The following B4GALNT2 variants were observed in gnomAD, a reference collection of about 807,000 sequenced individuals.
B4GALNT2 encodes the protein beta-1,4-N-acetyl-galactosaminyltransferase 2 (SID blood group), also known as N-acetylneuraminylgalactosylglucosyl-glucoside beta-1,4-N- acetylgalactosaminyltransferase 2.
A neutral mutation model predicts 51.1 loss-of-function variants in B4GALNT2; 42 were observed. That is an observed-to-expected ratio of 0.82 (90% confidence interval 0.64 to 1.06). B4GALNT2 has a LOEUF of 1.06. B4GALNT2 is among the 50% of genes least tolerant of loss of function. The probability of loss-of-function intolerance (pLI) is 0.00; values close to 1 mark genes in which losing one functional copy is unlikely to be tolerated. For synonymous variants in B4GALNT2, 253 were observed against 251.7 expected (o/e 1.01, Z -0.05); for missense variants, 602 against 633.6 (o/e 0.95, Z 0.54).
the B4GALNT2 span, among the ~76,000 whole-genome samples, chr17:49,123,736 T>C: frequency 2.0e-5 from 3 of 152,172 alleles, no homozygotes; most frequent in African/African-American, 4.8e-5. Context: ...CCAAAATAAC[T>C]TGGGGTTCCT....
At chr17:49,127,946 A>G (rs2042518997), upstream of B4GALNT2, among the ~76,000 whole-genome samples, 1 of 152,242 alleles carries the variant, frequency 6.6e-6, no homozygotes, top group Admixed American at 6.5e-5. Context: ...GTTGATTGGG[A>G]GAAAACCTTT....
At chr17:49,137,382 T>C (rs1291232281) in intron 1 of B4GALNT2, among the ~76,000 whole-genome samples, 2 of 152,150 alleles carry the variant, frequency 1.3e-5, no homozygotes, top group Non-Finnish European at 2.9e-5. Flanking sequence ...AGTGGATTCC[T>C]CATAAAAGGA....
At chr17:49,161,008 C>T (rs1598213422) in intron 7 of B4GALNT2, among the ~76,000 whole-genome samples, 2 of 152,292 alleles carry the variant, frequency 1.3e-5, no homozygotes, top group South Asian at 4.1e-4. Flanking sequence ...GGCGCAGTGA[C>T]TCATGCCTGT....
intron 3 of B4GALNT2, 29 bp from the exon 4 acceptor site, chr17:49,152,771 T>G (rs1396815173): frequency 6.7e-7 from 1 of 1,491,178 alleles, no homozygotes; most frequent in East Asian, 2.4e-5. Flanking sequence ...TCAGGGCAGC[T>G]GCTGACGTTT....
the B4GALNT2 span, among the ~76,000 whole-genome samples, chr17:49,125,828 A>G: frequency 3.6e-3 from 226 of 63,654 alleles, no homozygotes; most frequent in East Asian, 9.1e-3. Flanking sequence ...CCTACTGGGA[A>G]GTGAGGAGCC....
intron 3 of B4GALNT2, chr17:49,148,277 G>T (rs1215961327): frequency 6.5e-6 from 2 of 306,836 alleles, no homozygotes; most frequent in Non-Finnish European, 1.3e-5. Context: ...TCCAGCCTGG[G>T]CGACAGAGTG....
the B4GALNT2 span, among the ~76,000 whole-genome samples, chr17:49,126,284 A>G: frequency 6.6e-6 from 1 of 152,056 alleles, no homozygotes; most frequent in Non-Finnish European, 1.5e-5. Context: ...GCTTTGTTAA[A>G]CAGATGCTTG....
At chr17:49,128,612 C>G (rs1435973259), upstream of B4GALNT2, among the ~76,000 whole-genome samples, 1 of 152,080 alleles carries the variant, frequency 6.6e-6, no homozygotes, top group Non-Finnish European at 1.5e-5. Context: ...AACCTCTTGG[C>G]GTTTGCCATT....
chr17:49,171,359 T>A lies in B4GALNT2; in HGVS notation c.*1631T>A, dbSNP rs2042956511. 2.3e-6 allele frequency: 1 copy of A among 427,668 alleles called. No individual in the cohort carries two copies. The highest frequency in any genetic ancestry group is 4.5e-6 in the Non-Finnish European group (1 of 220,450). The allele number at this position is 427,668 out of a possible 1,614,324, so 26.5% of individuals were successfully genotyped here. On this transcript the variant is annotated 3_prime_UTR_variant, in exon 11 of 11. Transcript: ENST00000393354. ...TAATATCTGCTAATCTGTCTGCAGC[T>A]CCTTCAAGCACTCCAGTTCCTGGCA...
the B4GALNT2 span, among the ~76,000 whole-genome samples, chr17:49,126,507 A>AC: frequency 1.3e-5 from 2 of 150,770 alleles, no homozygotes; most frequent in Non-Finnish European, 3.0e-5. Flanking sequence ...AAAAAAAAAA[A>AC]AAAAACAAAC....
intron 1 of B4GALNT2, among the ~76,000 whole-genome samples, chr17:49,135,908 A>G (rs2042586002): frequency 6.6e-6 from 1 of 151,688 alleles, no homozygotes; most frequent in African/African-American, 2.4e-5. Flanking sequence ...CTAAAAATAC[A>G]AAAATAAAAT....
intron 3 of B4GALNT2, 66 bp from the exon 4 acceptor site, chr17:49,152,734 A>G: frequency 8.5e-7 from 1 of 1,179,038 alleles, no homozygotes; most frequent in African/African-American, 1.6e-5. Context: ...CACAGGCACC[A>G]CTTTGAGAAC....
At chr17:49,133,414 A>G (rs2042559518) in intron 1 of B4GALNT2, among the ~76,000 whole-genome samples, 1 of 152,126 alleles carries the variant, frequency 6.6e-6, no homozygotes, top group African/African-American at 2.4e-5. Flanking sequence ...ATAATAATTA[A>G]CGGGGTAAAG....
chr17:49,127,746 A>G (rs182108206), upstream of B4GALNT2, among the ~76,000 whole-genome samples: 1 of 152,226 alleles, frequency 6.6e-6, no homozygotes, highest in Admixed American at 6.5e-5. Flanking sequence ...GCTGGAAGAC[A>G]AAGACAGATT....
the B4GALNT2 span, among the ~76,000 whole-genome samples, chr17:49,120,728 T>C: frequency 2.0e-5 from 3 of 152,078 alleles, no homozygotes; most frequent in Admixed American, 2.0e-4. Flanking sequence ...CAGGCTGGTC[T>C]CAAATTCCTG....
At chr17:49,141,167 C>T in intron 1 of B4GALNT2, 80 bp from the exon 2 acceptor site, 1 of 1,357,248 alleles carries the variant, frequency 7.4e-7, no homozygotes, top group East Asian at 2.3e-5. Context: ...TTACATTTTT[C>T]CTGAAATTAT....
intron 6 of B4GALNT2, among the ~76,000 whole-genome samples, chr17:49,159,866 A>T (rs2042846341): frequency 6.6e-6 from 1 of 152,084 alleles, no homozygotes; most frequent in Admixed American, 6.5e-5. Context: ...GCAGTAGAGG[A>T]GGGAGCCAGC....
At chr17:49,150,994 CT>C (rs755994478) in intron 3 of B4GALNT2, among the ~76,000 whole-genome samples, 2 of 152,018 alleles carry the variant, frequency 1.3e-5, no homozygotes, top group Non-Finnish European at 2.9e-5. Context: ...ATGATCTAAT[CT>C]TTTTTTTCAA....
At position 49,169,708 on chromosome 17, in the gene B4GALNT2, C is replaced by T; in HGVS notation, c.1501C>T (p.His501Tyr). The T allele has an allele frequency of 6.3e-7, 1 of 1,591,250 alleles. No individual in the cohort carries two copies. The highest frequency in any genetic ancestry group is 8.6e-7 in the Non-Finnish European group (1 of 1,166,498). The change falls in exon 11 of 11, where the codon CAT (histidine) becomes TAT (tyrosine). Residue 501 changes from histidine to tyrosine, a missense_variant. Coordinates refer to ENST00000393354, the MANE Select transcript of B4GALNT2 (RefSeq NM_001159387.2). ...GCTGGCCCTCCACTACTTCAAGAACCATCTCCAATGTGCCGCATAAAGGTG... is the reference window on the plus strand; with the variant it reads ...GCTGGCCCTCCACTACTTCAAGAACTATCTCCAATGTGCCGCATAAAGGTG... ...FKLALHYFKN[H>Y]LQCAA
Sources: allele counts gnomAD v4.1 joint callset (sites outside exome capture counted in the v4.1 genomes callset), GRCh38; gene constraint gnomAD v4.1.1; transcripts MANE v1.5; gene names NCBI Gene and HGNC (gene_info 2026-07-23, HGNC 2026-07-21).